The following TNRC18 variants were observed in gnomAD, a reference collection of about 807,000 sequenced individuals.
TNRC18 encodes trinucleotide repeat-containing gene 18 protein.
A neutral mutation model predicts 226.7 loss-of-function variants in TNRC18; 69 were observed. The observed-to-expected ratio is 0.30, with a 90% confidence interval of 0.25 to 0.37. The LOEUF is 0.37. Ranked by LOEUF, TNRC18 falls within the 10% of genes least tolerant of loss-of-function variation. The pLI, the probability that TNRC18 is intolerant of heterozygous loss-of-function variation, is 1.00. For missense variants in TNRC18, 4,754 were observed against 4,256.6 expected (o/e 1.12, Z -3.25); for synonymous variants, 2,449 against 1,927.6 (o/e 1.27, Z -7.09).
At chr7:5,316,493 G>A (rs1403729170) in intron 24 of TNRC18, among the ~76,000 whole-genome samples, 1 of 151,960 alleles carries the variant, frequency 6.6e-6, no homozygotes, top group Non-Finnish European at 1.5e-5. Context: ...TGGTCAGGCT[G>A]GTCTCGAACT....
intron 24 of TNRC18, among the ~76,000 whole-genome samples, chr7:5,318,019 C>T (rs1297293693): frequency 6.6e-6 from 1 of 152,048 alleles, no homozygotes. Flanking sequence ...TTACAGGCAC[C>T]CGCCACCACG....
intron 2 of TNRC18, among the ~76,000 whole-genome samples, chr7:5,401,992 G>C (rs189431035): frequency 1.3e-5 from 2 of 151,480 alleles, no homozygotes; most frequent in Non-Finnish European, 2.9e-5. Flanking sequence ...TGGCTAACAC[G>C]GTGAAACCCC....
At chr7:5,348,101 G>A (rs1263701070) in intron 17 of TNRC18, among the ~76,000 whole-genome samples, 1 of 152,216 alleles carries the variant, frequency 6.6e-6, no homozygotes, top group Non-Finnish European at 1.5e-5. Flanking sequence ...CAGGCTCTCA[G>A]GACAAAGGCA....
At chr7:5,368,310 T>TAA (rs11459979) in intron 11 of TNRC18, among the ~76,000 whole-genome samples, 238 of 141,184 alleles carry the variant, frequency 1.7e-3, no homozygotes, top group East Asian at 4.1e-3. Flanking sequence ...CTACTTTTTG[T>TAA]AAAAAAAAAA....
In TNRC18 at chr7:5,371,015, T is replaced by C. The variant is rs1284068530; in HGVS notation, c.3579A>G (p.Ala1193=). ...CCAACAGGCCACCTCCACAACCCCC[T>C]GCAGGGCTGGGGGTAGCCATGGCTT... is the stretch of plus-strand genomic sequence containing the variant. ...AAEAMATPSP[A]GGCGGGLLEA... is the part of the protein sequence containing the mutation. The change falls in exon 11 of 30, where the codon GCA becomes GCG. Residue 1193 remains alanine (A), a synonymous_variant. Transcript: ENST00000430969. 1 of 1,608,492 alleles carries C rather than the reference T, an allele frequency of 6.2e-7. No individual in the cohort carries two copies.
At chr7:5,422,652 G>C (rs544379005) in intron 1 of TNRC18, 19 of 152,374 alleles carry the variant, frequency 1.2e-4, no homozygotes, top group African/African-American at 4.6e-4. Flanking sequence ...AGCCCCCCGA[G>C]CAGGAGACCC....
chr7:5,411,443 G>A (rs1188351001), intron 2 of TNRC18, among the ~76,000 whole-genome samples: 15 of 150,384 alleles, frequency 1.0e-4, no homozygotes, highest in South Asian at 2.1e-4. Context: ...ACCTGAACCC[G>A]GGAGGCAGAG....
At chr7:5,384,888 C>T (rs1314987569) in intron 5 of TNRC18, among the ~76,000 whole-genome samples, 3 of 152,234 alleles carry the variant, frequency 2.0e-5, no homozygotes, top group Non-Finnish European at 2.9e-5. Context: ...TTCAGTCAGT[C>T]AACAAACACT....
chr7:5,312,624 T>C lies in TNRC18; in HGVS notation c.8267A>G (p.His2756Arg). The change falls in exon 27 of 30, where the codon CAC becomes CGC. Residue 2756 changes from histidine to arginine, a missense_variant. Transcript: ENST00000430969. This position sits in a 1 kb window ranked among gnomAD's most constrained non-coding sequence, Gnocchi z 6.3. ...KSRPKKREGV[H>R]LPTTKELAKR... ...GGCCAGCTCCTTGGTGGTGGGGAGGTGGACGCCCTCTCTCTTCTTGGGTCG... is the reference window on the plus strand; with the variant it reads ...GGCCAGCTCCTTGGTGGTGGGGAGGCGGACGCCCTCTCTCTTCTTGGGTCG... 6.2e-7 allele frequency: 1 copy of C among 1,610,144 alleles called. No homozygotes were observed. Among genetic ancestry groups the C allele is most frequent in the Non-Finnish European group, 8.5e-7 (1 of 1,179,152 alleles).
chr7:5,308,797 G>A lies in TNRC18; in HGVS notation c.8700+78C>T, dbSNP rs1426425771. 6 of 1,486,056 alleles carry A rather than the reference G, an allele frequency of 4.0e-6. No individual in the cohort carries two copies. In the East Asian group the frequency reaches 7.4e-5, roughly 18 times the overall value. 92.1% of individuals were successfully genotyped at this position (1,486,056 alleles called of 1,614,324 possible). A position where few individuals can be genotyped will look rare whatever the true frequency, so the allele number is the denominator to read the frequency against. Reference sequence around the variant, plus strand: ...CATGGGGGACAGAGCAGCAGATGCTGAGCCGGGCCCTGTCTGAGCTGCCCG... The same window carrying A: ...CATGGGGGACAGAGCAGCAGATGCTAAGCCGGGCCCTGTCTGAGCTGCCCG... On this transcript the variant is annotated intron_variant, in intron 29 of 29. Coordinates refer to ENST00000430969, the MANE Select transcript of TNRC18 (RefSeq NM_001080495.3).
chr7:5,420,528 G>A (rs1242387407), intron 2 of TNRC18: 4 of 446,220 alleles, frequency 9.0e-6, no homozygotes, highest in African/African-American at 8.1e-5. Context: ...CAAGGCTGGG[G>A]TCACCGTACT....
intron 19 of TNRC18, chr7:5,325,610 G>C (rs1788834760): frequency 4.1e-6 from 1 of 246,866 alleles, no homozygotes; most frequent in Non-Finnish European, 7.9e-6. Flanking sequence ...ATTTTCAGTA[G>C]AGACGGGGTT....
rs1203902435 is a variant in TNRC18 at position 5,371,090 on chromosome 7, G to T, written c.3504C>A (p.Gly1168=). 12 of 1,611,860 alleles carry T rather than the reference G, an allele frequency of 7.4e-6. No homozygotes were observed. The highest frequency in any genetic ancestry group is 1.0e-5 in the Non-Finnish European group (12 of 1,179,678). ...ACTCCAGAGGCGGCAGCTCTGTGGG[G>T]CCCTCGTCCATGTCCTCCACCTCTG... The part of the protein sequence containing the change: ...VKAEVEDMDE[G]PTELPPLESP... Residue 1168 remains glycine, a synonymous_variant, in exon 11 of 30, where the codon GGC becomes GGA. Transcript: ENST00000430969.
intron 24 of TNRC18, among the ~76,000 whole-genome samples, chr7:5,317,890 G>A (rs986169490): frequency 6.6e-6 from 1 of 151,008 alleles, no homozygotes; most frequent in Non-Finnish European, 1.5e-5. Flanking sequence ...TTTTTTTTGA[G>A]ACAGAGTCTC....
At chr7:5,353,124 C>T (rs1208359648) in intron 16 of TNRC18, among the ~76,000 whole-genome samples, 2 of 152,224 alleles carry the variant, frequency 1.3e-5, no homozygotes, top group Non-Finnish European at 1.5e-5. Context: ...GCTACCAGCC[C>T]CTGCCCATCG....
chr7:5,367,669 C>G (rs867382153), intron 11 of TNRC18, among the ~76,000 whole-genome samples: 7 of 151,894 alleles, frequency 4.6e-5, no homozygotes, highest in Middle Eastern at 3.4e-3. Flanking sequence ...CTCAGATGAT[C>G]TGCCCGCCTC....
At chr7:5,341,215 T>A (rs1790649592) in intron 18 of TNRC18, among the ~76,000 whole-genome samples, 1 of 146,034 alleles carries the variant, frequency 6.8e-6, no homozygotes, top group Non-Finnish European at 1.5e-5. Context: ...ATGGAGACCA[T>A]CCTGGCTACC....
chr7:5,389,051 A>T lies in TNRC18; in HGVS notation c.773T>A (p.Leu258Gln). The change falls in exon 5 of 30, where the codon CTG (leucine) becomes CAG (glutamine). Residue 258 changes from leucine to glutamine, a missense_variant. By Grantham distance (113) the Leu-to-Gln change is moderately radical. Transcript: ENST00000430969. ...CAGGAAGGGCGACAGGCGCTCAGCC[A>T]GGCGCGGGGGCCCCCGGTCCTGGCG... ...EGRQDRGPPR[L>Q]AERLSPFLAE... 1 of 1,289,624 alleles carries T rather than the reference A, an allele frequency of 7.8e-7. No homozygotes were observed. Among genetic ancestry groups the T allele is most frequent in the Non-Finnish European group, 9.9e-7 (1 of 1,009,378 alleles). 79.9% of individuals were successfully genotyped at this position (1,289,624 alleles called of 1,614,324 possible).
chr7:5,353,859 C>A (rs988136663), intron 16 of TNRC18, among the ~76,000 whole-genome samples: 1 of 152,196 alleles, frequency 6.6e-6, no homozygotes, highest in African/African-American at 2.4e-5. Flanking sequence ...TTCTCTCATC[C>A]AGGACAGTGG....
Sources: allele counts gnomAD v4.1 joint callset (sites outside exome capture counted in the v4.1 genomes callset), GRCh38; gene constraint gnomAD v4.1.1; non-coding constraint Gnocchi (gnomAD v3.1); transcripts MANE v1.5; gene names NCBI Gene and HGNC (gene_info 2026-07-23, HGNC 2026-07-21).